The following CSNK1G1 variants were observed in gnomAD, a reference collection of about 807,000 sequenced individuals.
The protein encoded by CSNK1G1 is casein kinase I isoform gamma-1.
A neutral mutation model predicts 59.6 loss-of-function variants in CSNK1G1; 22 were observed. That is an observed-to-expected ratio of 0.37 (90% CI 0.26 to 0.53). The LOEUF (loss-of-function observed/expected upper bound fraction) is 0.53. Ranked by LOEUF, CSNK1G1 falls within the 20% of genes least tolerant of loss-of-function variation. The pLI is 0.89. For missense variants in CSNK1G1, 384 were observed against 519.5 expected, an observed-to-expected ratio of 0.74 and a Z score of 2.54; for synonymous variants, 179 against 177.1, an observed-to-expected ratio of 1.01 and a Z score of -0.08.
intron 4 of CSNK1G1, among the ~76,000 whole-genome samples, chr15:64,244,913 C>A (rs1052672459): frequency 6.6e-6 from 1 of 152,120 alleles, no homozygotes; most frequent in Admixed American, 6.6e-5. Context: ...AGTAACCAAA[C>A]AGCATGTTAC....
intron 11 of CSNK1G1, 36 bp downstream of exon 11, chr15:64,180,312 C>G: frequency 3.3e-6 from 5 of 1,508,570 alleles, no homozygotes; most frequent in Non-Finnish European, 3.7e-6. Flanking sequence ...ATTTTTCAAC[C>G]CATGACTTAA....
chr15:64,297,355 T>C (rs553705926), intron 2 of CSNK1G1, among the ~76,000 whole-genome samples: 1 of 151,746 alleles, frequency 6.6e-6, no homozygotes, highest in East Asian at 2.0e-4. Flanking sequence ...CTACGCAAAA[T>C]TTTAGGGAAA....
intron 1 of CSNK1G1, among the ~76,000 whole-genome samples, chr15:64,345,485 A>G (rs1317935567): frequency 1.3e-5 from 2 of 152,232 alleles, no homozygotes; most frequent in Non-Finnish European, 2.9e-5. Context: ...CCTTAGTGAC[A>G]GTTGAAAAAT....
intron 2 of CSNK1G1, among the ~76,000 whole-genome samples, chr15:64,290,745 T>C (rs980830167): frequency 4.6e-5 from 7 of 152,330 alleles, no homozygotes; most frequent in Non-Finnish European, 8.8e-5. Context: ...TAATTTAATT[T>C]AATTCAATTA....
In CSNK1G1 at chr15:64,210,738, C is replaced by G. The variant is rs1596099463; in HGVS notation, c.680-3144G>C. On this transcript the variant is annotated intron_variant, in intron 6 of 11. Transcript: ENST00000303052. This position sits in a 1 kb window ranked among gnomAD's most constrained non-coding sequence, Gnocchi z 4.2. ...AGCTTAATCAGTGGGAAGGTGGCTA[C>G]TATGGTCTGGATTTCTGTCCTTCCC... is the stretch of plus-strand genomic sequence containing the variant. 6.6e-6 allele frequency among the ~76,000 whole-genome samples: 1 copy of G among 152,302 alleles called. No individual in the cohort carries two copies. The highest frequency in any genetic ancestry group is 1.9e-4 in the East Asian group (1 of 5,194).
At chr15:64,327,738 G>A (rs536334827) in intron 1 of CSNK1G1, among the ~76,000 whole-genome samples, 1 of 148,744 alleles carries the variant, frequency 6.7e-6, no homozygotes, top group Non-Finnish European at 1.5e-5. Flanking sequence ...GCTACGGGAG[G>A]ACATTCAAAC....
intron 4 of CSNK1G1, among the ~76,000 whole-genome samples, chr15:64,222,580 A>C (rs570941828): frequency 6.6e-6 from 1 of 152,066 alleles, no homozygotes; most frequent in African/African-American, 2.4e-5. Context: ...ACTCACCTCC[A>C]TATTTTATGA....
At chr15:64,211,882 G>A (rs1339360595) in intron 6 of CSNK1G1, among the ~76,000 whole-genome samples, 1 of 152,164 alleles carries the variant, frequency 6.6e-6, no homozygotes, top group East Asian at 1.9e-4. Flanking sequence ...AATAAAATTA[G>A]TACACAAATG....
chr15:64,279,079 A>C (rs1893974955), intron 2 of CSNK1G1, among the ~76,000 whole-genome samples: 1 of 152,230 alleles, frequency 6.6e-6, no homozygotes, highest in Non-Finnish European at 1.5e-5. Flanking sequence ...TCTTGCACAA[A>C]TGATCCACCT....
At chr15:64,292,687 G>A (rs1894808769) in intron 2 of CSNK1G1, among the ~76,000 whole-genome samples, 1 of 152,166 alleles carries the variant, frequency 6.6e-6, no homozygotes, top group Admixed American at 6.5e-5. Flanking sequence ...CACTTTGGGA[G>A]GCCGAGGTGG....
chr15:64,316,172 A>G (rs1224733558), intron 1 of CSNK1G1, among the ~76,000 whole-genome samples: 3 of 151,832 alleles, frequency 2.0e-5, no homozygotes, highest in Non-Finnish European at 2.9e-5. Flanking sequence ...GATTAAAAAC[A>G]TAAGCCACTG....
At chr15:64,337,895 C>A (rs578097159) in intron 1 of CSNK1G1, among the ~76,000 whole-genome samples, 26 of 152,246 alleles carry the variant, frequency 1.7e-4, no homozygotes, top group South Asian at 1.2e-3. Flanking sequence ...TGAAATCATG[C>A]AATATTTGTC....
intron 2 of CSNK1G1, among the ~76,000 whole-genome samples, chr15:64,299,670 T>C (rs2140401508): frequency 6.6e-6 from 1 of 152,146 alleles, no homozygotes; most frequent in African/African-American, 2.4e-5. Context: ...GACAGATTAA[T>C]TTTGTCATTA....
chr15:64,224,210 C>A (rs890145263), intron 4 of CSNK1G1, among the ~76,000 whole-genome samples: 1 of 152,048 alleles, frequency 6.6e-6, no homozygotes, highest in Non-Finnish European at 1.5e-5. Flanking sequence ...TAATTTTTCT[C>A]CCAAATTAAA....
At chr15:64,235,311 G>T (rs918674258) in intron 4 of CSNK1G1, among the ~76,000 whole-genome samples, 1 of 152,144 alleles carries the variant, frequency 6.6e-6, no homozygotes, top group Non-Finnish European at 1.5e-5. Context: ...AACATATATA[G>T]CTGCTCTACC....
rs1190594572 is a variant in CSNK1G1, at chr15:64,170,184, T to C, written c.*1747A>G. 1 of 152,104 alleles carries C rather than the reference T, an allele frequency of 6.6e-6. No individual in the cohort carries two copies. Among genetic ancestry groups the C allele is most frequent in the Non-Finnish European group, 1.5e-5 (1 of 68,022 alleles). 9.4% of individuals were successfully genotyped at this position (152,104 alleles called of 1,614,324 possible). A position where few individuals can be genotyped will look rare whatever the true frequency, so the allele number is the denominator to read the frequency against. ...GTTTGGTTAAGCCACTAAACTCAAA[T>C]GAAAATTGGGCATGAGAAGAGTAAC... On this transcript the variant is annotated 3_prime_UTR_variant, in exon 12 of 12. Transcript: ENST00000303052.
rs979648484 is a variant in CSNK1G1 at position 64,226,412 on chromosome 15, G to C, written c.293-9699C>G. Among the ~76,000 whole-genome samples, 6 of 152,128 alleles carry C rather than the reference G, an allele frequency of 3.9e-5. No individual in the cohort carries two copies. The East Asian group carries it at 1.2e-3, about 29-fold the overall frequency. On this transcript the variant is annotated intron_variant, in intron 4 of 11. Coordinates refer to ENST00000303052, the MANE Select transcript of CSNK1G1 (RefSeq NM_022048.5). ...GTCTCTACTAAAATACAAAAAATTA[G>C]CTGGGCGTGGTGGTGCACGCCTGTA...
At chr15:64,177,308 T>G (rs931015084) in intron 11 of CSNK1G1, among the ~76,000 whole-genome samples, 1 of 152,156 alleles carries the variant, frequency 6.6e-6, no homozygotes, top group African/African-American at 2.4e-5. Context: ...CTGCGTGCAA[T>G]GAGGGGCTGT....
chr15:64,340,078 T>C (rs1392390764), intron 1 of CSNK1G1, among the ~76,000 whole-genome samples: 2 of 152,198 alleles, frequency 1.3e-5, no homozygotes, highest in East Asian at 3.8e-4. Context: ...TTAAAGGTCA[T>C]TTTTTTAAAA....
Sources: allele counts gnomAD v4.1 joint callset (sites outside exome capture counted in the v4.1 genomes callset), GRCh38; gene constraint gnomAD v4.1.1; non-coding constraint Gnocchi (gnomAD v3.1); transcripts MANE v1.5; gene names NCBI Gene and HGNC (gene_info 2026-07-23, HGNC 2026-07-21).